The following PDGFD variants were observed in gnomAD, a reference collection of about 807,000 sequenced individuals.
PDGFD encodes platelet derived growth factor D.
A neutral mutation model predicts 44.7 loss-of-function variants in PDGFD; 30 were observed. That is an observed-to-expected ratio of 0.67 (90% confidence interval 0.50 to 0.91). The LOEUF (loss-of-function observed/expected upper bound fraction) is 0.91. PDGFD is among the 40% of genes least tolerant of loss of function. The pLI is 0.00. For missense variants in PDGFD, 445 were observed against 457.8 expected (o/e 0.97, Z 0.25); for synonymous variants, 173 against 168.4 (o/e 1.03, Z -0.21).
At chr11:104,091,998 T>C (rs887254812) in intron 1 of PDGFD, among the ~76,000 whole-genome samples, 2 of 152,188 alleles carry the variant, frequency 1.3e-5, no homozygotes, top group Non-Finnish European at 2.9e-5. Context: ...TTTCTACACA[T>C]GATCCCACGT....
chr11:104,145,718 TG>T (rs1862152043), intron 1 of PDGFD, among the ~76,000 whole-genome samples: 1 of 152,190 alleles, frequency 6.6e-6, no homozygotes, highest in South Asian at 2.1e-4. Context: ...TGAACTGAAG[TG>T]TATCTTCCCA....
chr11:104,125,985 C>T (rs754566325), intron 1 of PDGFD, among the ~76,000 whole-genome samples: 1 of 152,104 alleles, frequency 6.6e-6, no homozygotes, highest in Non-Finnish European at 1.5e-5. Flanking sequence ...AAGAGCACAG[C>T]TCTTAGGTTA....
intron 1 of PDGFD, among the ~76,000 whole-genome samples, chr11:104,099,992 T>C (rs1465142988): frequency 6.6e-6 from 1 of 152,020 alleles, no homozygotes; most frequent in Non-Finnish European, 1.5e-5. Flanking sequence ...AATTGGAACA[T>C]AAAGAGAAGC....
At chr11:103,914,937 G>A (rs1181747273) in intron 6 of PDGFD, among the ~76,000 whole-genome samples, 2 of 152,108 alleles carry the variant, frequency 1.3e-5, no homozygotes, top group Admixed American at 1.3e-4. Flanking sequence ...AGGTATCGAT[G>A]GAATGTATCT....
In PDGFD at chr11:103,986,456, A is replaced by T. The variant is rs115918836; in HGVS notation, c.510+9609T>A. Among the ~76,000 whole-genome samples the T allele has an allele frequency of 4.3e-3, 656 of 152,172 alleles. 5 individuals are homozygous for T. The highest frequency in any genetic ancestry group is 0.015 in the African/African-American group (629 of 41,508). On this transcript the variant is annotated intron_variant, in intron 3 of 6. Transcript: ENST00000393158. ...AGCCCCTTGCTCTTTTGTAGGGGGGAACTCTTCTTTCCATATTACTGCCCC... is the reference window on the plus strand; with the variant it reads ...AGCCCCTTGCTCTTTTGTAGGGGGGTACTCTTCTTTCCATATTACTGCCCC...
At chr11:104,029,083 G>A (rs1860088244) in intron 1 of PDGFD, among the ~76,000 whole-genome samples, 1 of 152,196 alleles carries the variant, frequency 6.6e-6, no homozygotes, top group Non-Finnish European at 1.5e-5. Context: ...AGCTGAGTGA[G>A]ATAGAATATT....
At chr11:104,122,300 G>A (rs1047060974) in intron 1 of PDGFD, among the ~76,000 whole-genome samples, 1 of 151,922 alleles carries the variant, frequency 6.6e-6, no homozygotes, top group Non-Finnish European at 1.5e-5. Context: ...GCAACATGGT[G>A]CAGGTCAGGC....
chr11:104,040,769 T>C (rs568871077), intron 1 of PDGFD, among the ~76,000 whole-genome samples: 25 of 152,122 alleles, frequency 1.6e-4, no homozygotes, highest in Middle Eastern at 6.8e-3. Context: ...TTTTACACAC[T>C]ATACACACAC....
chr11:104,008,958 G>T (rs187635909), intron 1 of PDGFD, among the ~76,000 whole-genome samples: 2 of 151,844 alleles, frequency 1.3e-5, no homozygotes, highest in Non-Finnish European at 1.5e-5. Context: ...CAAATAAAAG[G>T]CAATTTTATC....
chr11:104,090,986 G>GC (rs1010252891), intron 1 of PDGFD, among the ~76,000 whole-genome samples: 9 of 152,026 alleles, frequency 5.9e-5, no homozygotes, highest in African/African-American at 1.4e-4. Context: ...TTTCTCAAAA[G>GC]CCCCCCCATG....
At chr11:104,021,174 C>A (rs1054445354) in intron 1 of PDGFD, among the ~76,000 whole-genome samples, 1 of 152,024 alleles carries the variant, frequency 6.6e-6, no homozygotes, top group Non-Finnish European at 1.5e-5. Flanking sequence ...CAGTGGTCTA[C>A]GGAAAACTAG....
intron 1 of PDGFD, among the ~76,000 whole-genome samples, chr11:104,141,399 A>ATT (rs11392568): frequency 8.5e-4 from 126 of 147,654 alleles, no homozygotes; most frequent in Middle Eastern, 3.5e-3. Flanking sequence ...ATTTAATTTA[A>ATT]TTTTTTTTTT....
chr11:104,107,299 C>T (rs2134450081), intron 1 of PDGFD, among the ~76,000 whole-genome samples: 1 of 152,144 alleles, frequency 6.6e-6, no homozygotes, highest in East Asian at 1.9e-4. Context: ...AGCAAACTGC[C>T]ATGTTAGAGA....
At chr11:104,158,237 A>G (rs906736580) in intron 1 of PDGFD, among the ~76,000 whole-genome samples, 1 of 152,242 alleles carries the variant, frequency 6.6e-6, no homozygotes, top group South Asian at 2.1e-4. Flanking sequence ...ATATGTGAAG[A>G]AGAAGTGTGA....
chr11:103,959,512 T>A (rs963788531), intron 3 of PDGFD, among the ~76,000 whole-genome samples: 2 of 152,174 alleles, frequency 1.3e-5, no homozygotes, highest in Non-Finnish European at 2.9e-5. Context: ...TATTCTTGAC[T>A]TTGTACTTCC....
chr11:103,959,102 G>C (rs571916507), intron 3 of PDGFD, among the ~76,000 whole-genome samples: 2 of 152,284 alleles, frequency 1.3e-5, no homozygotes, highest in Admixed American at 6.5e-5. Flanking sequence ...AGGAGTGTCA[G>C]TTGTAAAGTA....
chr11:104,089,733 T>C (rs575698616), intron 1 of PDGFD, among the ~76,000 whole-genome samples: 2 of 152,282 alleles, frequency 1.3e-5, no homozygotes, highest in South Asian at 2.1e-4. Flanking sequence ...GCATTTTCTA[T>C]CACAAGATGC....
intron 1 of PDGFD, among the ~76,000 whole-genome samples, chr11:104,160,038 C>A (rs754986178): frequency 6.6e-6 from 1 of 152,154 alleles, no homozygotes; most frequent in Non-Finnish European, 1.5e-5. Flanking sequence ...CTTTCAGACT[C>A]TTTAAAAATA....
At chr11:103,924,862 G>A (rs1394491379) in intron 6 of PDGFD, among the ~76,000 whole-genome samples, 2 of 152,102 alleles carry the variant, frequency 1.3e-5, no homozygotes, top group African/African-American at 2.4e-5. Context: ...TGTGCAGAAC[G>A]TGCAGGTTTG....
Sources: gnomAD v4.1 joint callset for allele counts (sites outside exome capture counted in the v4.1 genomes callset) on GRCh38, gnomAD v4.1.1 for gene constraint, MANE v1.5 for transcripts, NCBI Gene and HGNC (gene_info 2026-07-23, HGNC 2026-07-21) for gene names.